Variants in TRIM15 observed in about 807,000 individuals in gnomAD.
TRIM15 encodes the protein E3 ubiquitin-protein ligase TRIM15.
In TRIM15, 35 loss-of-function variants were observed where a neutral mutation model predicts 35.8. The observed-to-expected ratio is 0.98, with a 90% CI of 0.75 to 1.30. The LOEUF (loss-of-function observed/expected upper bound fraction) is 1.30, where lower values mean the gene tolerates loss of function less well. Ranked by LOEUF, TRIM15 falls within the 50% of genes most tolerant of loss-of-function variation. The pLI is 0.00. For missense variants in TRIM15, 590 were observed against 593.5 expected (o/e 0.99, Z 0.06); for synonymous variants, 252 against 249.8 (o/e 1.01, Z -0.08).
rs1180527749 is a variant in TRIM15 at position 30,169,267 on chromosome 6, G to A, written c.731+4G>A. 2 of 1,613,124 alleles carry A rather than the reference G, an allele frequency of 1.2e-6. No homozygotes were observed. Among genetic ancestry groups the A allele is most frequent in the South Asian group, 2.2e-5 (2 of 91,070 alleles). The stretch of plus-strand genomic sequence containing the variant: ...ATGTCAGAGTCAACCAGAGCAGGTA[G>A]GGCCCACTCCCCGGTCCTGCCTCCT... On this transcript the variant is annotated splice_donor_region_variant and intron_variant, in intron 4 of 6. Transcript: ENST00000376694.
intron 1 of TRIM15, among the ~76,000 whole-genome samples, chr6:30,164,271 T>C (rs370235777): frequency 5.3e-5 from 8 of 152,276 alleles, no homozygotes; most frequent in African/African-American, 1.7e-4. Flanking sequence ...GAACTTCAGC[T>C]CCAGCTCTCA....
intron 6 of TRIM15, 132 bp from the exon 7 acceptor site, chr6:30,171,700 G>T (rs145715215): frequency 0.012 from 13,788 of 1,193,434 alleles, 136 homozygotes; most frequent in Middle Eastern, 0.028. Flanking sequence ...AGGTAGAAGG[G>T]CGGTTCAGAG....
rs1367317667 is a variant in TRIM15 at position 30,171,864 on chromosome 6, C to T, written c.913C>T (p.Arg305Trp). ...CACTCTGGACCCTCAGACCGCCAGC[C>T]GGAGCCTGGTTCTCTCGGAAGACAG... Reference protein sequence around the residue: ...VITLDPQTASRSLVLSEDRKS... With the variant: ...VITLDPQTASWSLVLSEDRKS... The change falls in exon 7 of 7, where the codon CGG becomes TGG. Residue 305 changes from arginine to tryptophan, a missense_variant. Coordinates refer to ENST00000376694, the MANE Select transcript of TRIM15 (RefSeq NM_033229.3). The T allele has an allele frequency of 9.4e-6, 15 of 1,587,330 alleles. No individual in the cohort carries two copies. Among genetic ancestry groups the T allele is most frequent in the Non-Finnish European group, 1.3e-5 (15 of 1,166,500 alleles).
At chr6:30,170,378 T>C (rs1463492756) in intron 4 of TRIM15, 123 bp from the exon 5 acceptor site, 6 of 614,608 alleles carry the variant, frequency 9.8e-6, no homozygotes, top group Non-Finnish European at 1.7e-5. Flanking sequence ...GAAATGATAC[T>C]CAATTTCATT....
Position 30,171,966 on chromosome 6 carries a change from C to A in TRIM15, c.1015C>A (p.Leu339Met). 1 of 1,591,738 alleles carries A rather than the reference C, an allele frequency of 6.3e-7. No homozygotes were observed. The highest frequency in any genetic ancestry group is 1.7e-5 in the Admixed American group (1 of 57,476). Reference sequence around the variant, plus strand: ...GCGCTTCGACGGCCTCCCGGCGGTTCTGGGCTTCCCGGGCTTCTCCTCCGG... The same window carrying A: ...GCGCTTCGACGGCCTCCCGGCGGTTATGGGCTTCCCGGGCTTCTCCTCCGG... ...PLRFDGLPAV[L>M]GFPGFSSGRH... Residue 339 changes from leucine to methionine, a missense_variant, in exon 7 of 7, where the codon CTG becomes ATG. Coordinates refer to ENST00000376694, the MANE Select transcript of TRIM15 (RefSeq NM_033229.3).
chr6:30,172,299 C>T lies in TRIM15; in HGVS notation c.1348C>T (p.Pro450Ser). The T allele has an allele frequency of 6.2e-7, 1 of 1,612,678 alleles. No individual in the cohort carries two copies. The highest frequency in any genetic ancestry group is 1.3e-5 in the African/African-American group (1 of 75,050). Reference sequence around the variant, plus strand: ...TGCCTCTTTCTCCGGCAAAGTCTTCCCTTTCTTTGCCGTCTGGAAAAAAGG... The same window carrying T: ...TGCCTCTTTCTCCGGCAAAGTCTTCTCTTTCTTTGCCGTCTGGAAAAAAGG... ...FTASFSGKVFPFFAVWKKGSC... is the reference protein window; with the variant it reads ...FTASFSGKVFSFFAVWKKGSC... Residue 450 changes from proline (P) to serine (S), a missense_variant, in exon 7 of 7, where the codon CCT becomes TCT. Transcript: ENST00000376694.
chr6:30,170,496 T>G lies in TRIM15; in HGVS notation c.732-5T>G. On this transcript the variant is annotated splice_region_variant and splice_polypyrimidine_tract_variant and intron_variant, in intron 4 of 6. Coordinates refer to ENST00000376694, the MANE Select transcript of TRIM15 (RefSeq NM_033229.3). Reference sequence around the variant, plus strand: ...GACCTAACTGGTTACCAAACCTGTCTGCAGGTGTGAGATGAAGACTTTTGT... The same window carrying G: ...GACCTAACTGGTTACCAAACCTGTCGGCAGGTGTGAGATGAAGACTTTTGT... 6.2e-7 allele frequency: 1 copy of G among 1,607,180 alleles called. No homozygotes were observed. The highest frequency in any genetic ancestry group is 1.3e-5 in the African/African-American group (1 of 74,882).
Position 30,163,684 on chromosome 6 carries a change from G to C in TRIM15, c.-1G>C, listed in dbSNP as rs1344961654. 5.0e-6 allele frequency: 8 copies of C among 1,600,080 alleles called. No homozygotes were observed. In the African/African-American group the frequency reaches 8.0e-5, roughly 16 times the overall value. ...GTGGACGGGCTGGGGAAGGCACCGT[G>C]ATGCCCGCAACCCCGTCCCTGAAGG... On this transcript the variant is annotated 5_prime_UTR_variant, in exon 1 of 7. Transcript: ENST00000376694.
intron 1 of TRIM15, among the ~76,000 whole-genome samples, chr6:30,164,813 C>T (rs1773468307): frequency 6.6e-6 from 1 of 152,108 alleles, no homozygotes; most frequent in Non-Finnish European, 1.5e-5. Context: ...GCACAAAATC[C>T]TCCCATGTAT....
chr6:30,163,712 G>T lies in TRIM15; in HGVS notation c.28G>T (p.Val10Phe), dbSNP rs761875911. The change falls in exon 1 of 7, where the codon GTC becomes TTC. Residue 10 changes from valine to phenylalanine, a missense_variant. Coordinates refer to ENST00000376694, the MANE Select transcript of TRIM15 (RefSeq NM_033229.3). ...GCCCGCAACCCCGTCCCTGAAGGTG[G>T]TCCATGAGCTGCCTGCCTGTACCCT... MPATPSLKVVHELPACTLCA... is the reference protein window; with the variant it reads MPATPSLKVFHELPACTLCA... The T allele has an allele frequency of 6.2e-7, 1 of 1,611,882 alleles. No individual in the cohort carries two copies. The highest frequency in any genetic ancestry group is 1.3e-5 in the African/African-American group (1 of 74,928).
chr6:30,163,957 C>A lies in TRIM15; in HGVS notation c.273C>A (p.Tyr91Ter). The A allele has an allele frequency of 6.2e-7, 1 of 1,612,994 alleles. No individual in the cohort carries two copies. The highest frequency in any genetic ancestry group is 8.5e-7 in the Non-Finnish European group (1 of 1,179,910). The change falls in exon 1 of 7, where the codon TAC becomes TAA. Residue 91 changes from tyrosine to a stop codon, truncating the protein, a stop_gained. Transcript: ENST00000376694. LOFTEE classifies it high-confidence loss of function. ...TYCEEHGEKIYFFCENDAEFL... is the reference protein window; with the variant it reads ...TYCEEHGEKI ...GCGAGGAGCACGGCGAGAAGATCTA[C>A]TTCTTCTGCGAGAACGATGCCGAGT... is the stretch of plus-strand genomic sequence containing the variant.
rs199753153 is a variant in TRIM15, at chr6:30,171,345, C to T, written c.880+337C>T. Among the ~76,000 whole-genome samples the T allele has an allele frequency of 6.6e-5, 10 of 152,094 alleles. No individual in the cohort carries two copies. The East Asian group carries it at 1.3e-3, about 20-fold the overall frequency. On this transcript the variant is annotated intron_variant, in intron 6 of 6. Transcript: ENST00000376694. The stretch of plus-strand genomic sequence containing the variant: ...TGTAGATATTACTCGTTGAAAAATA[C>T]TTATCAAGCCCTAGTTTTTTGAGAG...
intron 1 of TRIM15, among the ~76,000 whole-genome samples, chr6:30,164,792 G>A (rs1372282058): frequency 6.6e-6 from 1 of 152,008 alleles, no homozygotes; most frequent in Non-Finnish European, 1.5e-5. Context: ...AAAACACAAA[G>A]TCACTCATCT....
chr6:30,172,300 C>T lies in TRIM15; in HGVS notation c.1349C>T (p.Pro450Leu), dbSNP rs1180176660. The change falls in exon 7 of 7, where the codon CCT becomes CTT. Residue 450 changes from proline to leucine, a missense_variant. Coordinates refer to ENST00000376694, the MANE Select transcript of TRIM15 (RefSeq NM_033229.3). ...GCCTCTTTCTCCGGCAAAGTCTTCC[C>T]TTTCTTTGCCGTCTGGAAAAAAGGT... ...FTASFSGKVFPFFAVWKKGSC... is the reference protein window; with the variant it reads ...FTASFSGKVFLFFAVWKKGSC... 1.9e-6 allele frequency: 3 copies of T among 1,612,582 alleles called. No individual in the cohort carries two copies. Among genetic ancestry groups the T allele is most frequent in the Non-Finnish European group, 2.5e-6 (3 of 1,179,828 alleles).
Position 30,172,007 on chromosome 6 carries a change from G to A in TRIM15, c.1056G>A (p.Gln352=), listed in dbSNP as rs1253462504. The A allele has an allele frequency of 6.3e-7, 1 of 1,577,908 alleles. No homozygotes were observed. Among genetic ancestry groups the A allele is most frequent in the African/African-American group, 1.3e-5 (1 of 74,382 alleles). The part of the protein sequence containing the change: ...PGFSSGRHRW[Q]VDLQLGDGGG... ...TCTCCTCCGGGCGCCACCGCTGGCA[G>A]GTTGACCTGCAGCTGGGCGACGGCG... Residue 352 remains glutamine, a synonymous_variant, in exon 7 of 7, where the codon CAG becomes CAA. Coordinates refer to ENST00000376694, the MANE Select transcript of TRIM15 (RefSeq NM_033229.3).
At chr6:30,168,697 T>G (rs1773798937) in intron 3 of TRIM15, 167 bp downstream of exon 3, 1 of 680,370 alleles carries the variant, frequency 1.5e-6, no homozygotes, top group African/African-American at 1.8e-5. Context: ...ACTGTGGTCA[T>G]GTTAAGGGGT....
intron 6 of TRIM15, 80 bp downstream of exon 6, chr6:30,171,088 T>C (rs41272595): frequency 0.012 from 17,937 of 1,483,812 alleles, 188 homozygotes; most frequent in Middle Eastern, 0.028. Flanking sequence ...ATAAAATGCA[T>C]GAATTCTGGA....
intron 2 of TRIM15, among the ~76,000 whole-genome samples, chr6:30,167,905 A>G (rs1026304611): frequency 6.6e-6 from 1 of 152,182 alleles, no homozygotes; most frequent in African/African-American, 2.4e-5. Context: ...GGCTAAAACC[A>G]AAATTACACA....
intron 4 of TRIM15, 38 bp downstream of exon 4, chr6:30,169,301 A>T: frequency 6.2e-7 from 1 of 1,612,870 alleles, no homozygotes; most frequent in Non-Finnish European, 8.5e-7. Context: ...CTTTTACTCA[A>T]CATCAAGACT....
Sources: gnomAD v4.1 joint callset for allele counts (sites outside exome capture counted in the v4.1 genomes callset) on GRCh38, gnomAD v4.1.1 for gene constraint, MANE v1.5 for transcripts, NCBI Gene and HGNC (gene_info 2026-07-23, HGNC 2026-07-21) for gene names.